ARHGAP27: variants seen among roughly 807,000 people sequenced by gnomAD.
ARHGAP27 encodes the protein rho GTPase-activating protein 27.
ARHGAP27 carries 53 observed loss-of-function variants against 102.0 expected under a neutral mutation model. The observed-to-expected ratio is 0.52, with a 90% CI of 0.42 to 0.65. The LOEUF (loss-of-function observed/expected upper bound fraction) is 0.65. Among genes scored for constraint, ARHGAP27 ranks in the 30% least tolerant of loss-of-function variants. The pLI is 0.00. For missense variants in ARHGAP27, 1,117 were observed against 1,256.2 expected, an observed-to-expected ratio of 0.89 and a Z score of 1.68; for synonymous variants, 525 against 542.8, an observed-to-expected ratio of 0.97 and a Z score of 0.46.
intron 12 of ARHGAP27, among the ~76,000 whole-genome samples, chr17:45,401,094 C>T (rs1207676669): frequency 1.3e-5 from 2 of 152,172 alleles, no homozygotes; most frequent in African/African-American, 4.8e-5. Context: ...GTAATCTCAA[C>T]CCTTTGGGAG....
intron 4 of ARHGAP27, among the ~76,000 whole-genome samples, chr17:45,418,010 C>T (rs1024280982): frequency 9.4e-5 from 14 of 148,574 alleles, no homozygotes; most frequent in African/African-American, 3.2e-4. Context: ...GCACTCCAGC[C>T]TGGGCGACAA....
In ARHGAP27 at chr17:45,394,635, A is replaced by T. The variant is rs1051493282; in HGVS notation, c.*821T>A. ...CTGATTTTCCCCCTACCCAGGCTGT[A>T]CTCTGGTGTGGGAGGAGCCTTTTCT... On this transcript the variant is annotated 3_prime_UTR_variant, in exon 20 of 20. Transcript: ENST00000685559. 2.0e-5 allele frequency: 3 copies of T among 152,210 alleles called. No individual in the cohort carries two copies. The highest frequency in any genetic ancestry group is 2.9e-5 in the Non-Finnish European group (2 of 68,054). 9.4% of individuals were successfully genotyped at this position (152,210 alleles called of 1,614,324 possible).
At chr17:45,415,722 G>T (rs751815640) in intron 4 of ARHGAP27, among the ~76,000 whole-genome samples, 49 of 152,166 alleles carry the variant, frequency 3.2e-4, no homozygotes, top group Non-Finnish European at 5.0e-4. Flanking sequence ...TAACACCAAG[G>T]TTAGAGGAAG....
At chr17:45,415,818 T>G (rs1283881820) in intron 4 of ARHGAP27, among the ~76,000 whole-genome samples, 1 of 152,098 alleles carries the variant, frequency 6.6e-6, no homozygotes, top group Non-Finnish European at 1.5e-5. Context: ...AGGGTAGGGC[T>G]CTTCAAGGGA....
Position 45,396,712 on chromosome 17 carries a change from C to T in ARHGAP27, c.2030G>A (p.Arg677Lys), listed in dbSNP as rs374537739. 6 of 1,613,752 alleles carry T rather than the reference C, an allele frequency of 3.7e-6. No homozygotes were observed. The African/African-American group carries it at 5.3e-5, about 14-fold the overall frequency. The change falls in exon 15 of 20, where the codon AGG (arginine) becomes AAG (lysine). Residue 677 changes from arginine (R) to lysine (K), a missense_variant. Arg to Lys is a conservative substitution (Grantham distance 26). Around this residue, in one of 3 missense-constraint regions of ARHGAP27, gnomAD observed 493 missense variants for 505.5 expected, o/e 0.98. Transcript: ENST00000685559. ...CCGCAGCGACTGCAGTGTGGGCCGC[C>T]TCTGGAGGAACTTGCGGAGCTTGTG... ...VRHKLRKFLQ[R>K]RPTLQSLREK...
At chr17:45,410,740 A>C (rs989849133) in intron 4 of ARHGAP27, among the ~76,000 whole-genome samples, 1 of 151,618 alleles carries the variant, frequency 6.6e-6, no homozygotes, top group Non-Finnish European at 1.5e-5. Context: ...GCTGGCCTGG[A>C]GTGGCTCCTG....
intron 4 of ARHGAP27, among the ~76,000 whole-genome samples, chr17:45,419,512 G>GTATGTGTA (rs1325033004): frequency 8.3e-6 from 1 of 119,790 alleles, no homozygotes; most frequent in African/African-American, 3.4e-5. Context: ...TATGCTGTAT[G>GTATGTGTA]TATATATATA....
intron 4 of ARHGAP27, among the ~76,000 whole-genome samples, chr17:45,424,801 C>T (rs192080521): frequency 1.5e-3 from 231 of 152,262 alleles, no homozygotes; most frequent in Non-Finnish European, 2.5e-3. Flanking sequence ...CCACCTGCTC[C>T]GCAAAACCAT....
At chr17:45,423,492 T>C (rs936416997) in intron 4 of ARHGAP27, among the ~76,000 whole-genome samples, 2 of 152,158 alleles carry the variant, frequency 1.3e-5, no homozygotes, top group African/African-American at 4.8e-5. Context: ...TGCCAACACC[T>C]TCCTCCTCCA....
At chr17:45,426,134 C>T (rs1303532495) in intron 4 of ARHGAP27, among the ~76,000 whole-genome samples, 1 of 152,264 alleles carries the variant, frequency 6.6e-6, no homozygotes, top group East Asian at 1.9e-4. Context: ...GAAACTGAAC[C>T]TGCTGGCCAG....
intron 4 of ARHGAP27, among the ~76,000 whole-genome samples, chr17:45,420,818 T>C (rs942456827): frequency 2.6e-5 from 4 of 151,326 alleles, no homozygotes; most frequent in Non-Finnish European, 5.9e-5. Flanking sequence ...GCCGGGCATG[T>C]TGGGGGGCGC....
At chr17:45,412,220 A>C (rs981756647) in intron 4 of ARHGAP27, among the ~76,000 whole-genome samples, 2 of 152,158 alleles carry the variant, frequency 1.3e-5, no homozygotes, top group Non-Finnish European at 2.9e-5. Flanking sequence ...TTGGCCACAG[A>C]AGTTGGCTCT....
At chr17:45,417,267 C>T (rs553242142) in intron 4 of ARHGAP27, among the ~76,000 whole-genome samples, 27 of 151,322 alleles carry the variant, frequency 1.8e-4, no homozygotes, top group African/African-American at 6.6e-4. Context: ...CTTTCAAGAC[C>T]AGCCTGACCA....
At chr17:45,417,658 A>G (rs2048602798) in intron 4 of ARHGAP27, among the ~76,000 whole-genome samples, 1 of 151,870 alleles carries the variant, frequency 6.6e-6, no homozygotes, top group Non-Finnish European at 1.5e-5. Flanking sequence ...GGAGGCTGAG[A>G]CATGAGAATC....
chr17:45,413,325 G>A (rs759958285), intron 4 of ARHGAP27, among the ~76,000 whole-genome samples: 29 of 152,026 alleles, frequency 1.9e-4, no homozygotes, highest in African/African-American at 6.8e-4. Flanking sequence ...CAAATGTAAC[G>A]GTTTCAGGTG....
chr17:45,396,561 G>A lies in ARHGAP27; in HGVS notation c.2099C>T (p.Ala700Val). 1 of 1,602,044 alleles carries A rather than the reference G, an allele frequency of 6.2e-7. No homozygotes were observed. The highest frequency in any genetic ancestry group is 2.2e-5 in the East Asian group (1 of 44,720). ...IKDQVFGCALAALCERERSRV... is the reference protein window; with the variant it reads ...IKDQVFGCALVALCERERSRV... The stretch of plus-strand genomic sequence containing the variant: ...GCTCCTCTCGCGCTCACACAGCGCG[G>A]CCAGCGCGCAGCCGAACACCTGGTC... The change falls in exon 16 of 20, where the codon GCC becomes GTC. Residue 700 changes from alanine to valine, a missense_variant. By Grantham distance (64) the Ala-to-Val change is moderately conservative. This residue lies in a region of ARHGAP27 where 493 missense variants were observed against 505.5 expected (regional missense o/e 0.98). Transcript: ENST00000685559.
intron 4 of ARHGAP27, among the ~76,000 whole-genome samples, chr17:45,411,795 T>TCACACACACACACA (rs3068161): frequency 4.8e-4 from 72 of 149,162 alleles, no homozygotes; most frequent in African/African-American, 1.6e-3. Flanking sequence ...GGATGAGGAC[T>TCACACACACACACA]CACACACACA....
Position 45,403,624 on chromosome 17 carries a change from C to G in ARHGAP27, c.1633G>C (p.Gly545Arg). The change falls in exon 11 of 20, where the codon GGC becomes CGC. Residue 545 changes from glycine (G) to arginine (R), a missense_variant. Around this residue, in one of 3 missense-constraint regions of ARHGAP27, gnomAD observed 493 missense variants for 505.5 expected, o/e 0.98. Coordinates refer to ENST00000685559, the MANE Select transcript of ARHGAP27 (RefSeq NM_001282290.2). ...CCCTGAGGGCCTGGCCTTACCAGGC[C>G]GCCTGCAGCCGAGGTCTTTGAGTCC... ...FKDSKTSAAGGLRQPSKFSTP... is the reference protein window; with the variant it reads ...FKDSKTSAAGRLRQPSKFSTP... The G allele has an allele frequency of 6.2e-7, 1 of 1,613,584 alleles. No homozygotes were observed. The highest frequency in any genetic ancestry group is 8.5e-7 in the Non-Finnish European group (1 of 1,179,868).
At chr17:45,403,546 G>A (rs1170532686) in intron 11 of ARHGAP27, 73 bp downstream of exon 11, 67 of 1,297,592 alleles carry the variant, frequency 5.2e-5, no homozygotes, top group East Asian at 2.1e-4. Context: ...GCGAGACTCC[G>A]TCTCAAAAAA....
Sources: gnomAD v4.1 joint callset for allele counts (sites outside exome capture counted in the v4.1 genomes callset) on GRCh38, gnomAD v4.1.1 for gene constraint, gnomAD v4.1.1 regional missense constraint, MANE v1.5 for transcripts, NCBI Gene and HGNC (gene_info 2026-07-23, HGNC 2026-07-21) for gene names.